EYS: variants seen among roughly 807,000 people sequenced by gnomAD.
EYS encodes the protein protein eyes shut homolog.
Under a neutral mutation model 282.1 loss-of-function variants are expected in EYS, and 250 were observed. That is an observed-to-expected ratio of 0.89 (90% confidence interval 0.80 to 0.98). The LOEUF (loss-of-function observed/expected upper bound fraction) is 0.98. Among genes scored for constraint, EYS ranks in the 50% least tolerant of loss-of-function variants. The probability of loss-of-function intolerance (pLI) is 0.00; values close to 1 mark genes in which losing one functional copy is unlikely to be tolerated. For synonymous variants in EYS, 1,355 were observed against 1,282.9 expected (o/e 1.06, Z -1.20); for missense variants, 4,016 against 3,709.0 (o/e 1.08, Z -2.15).
chr6:65,296,241 G>T, intron 11 of EYS, 122 bp from the exon 12 acceptor site: 3 of 1,070,110 alleles, frequency 2.8e-6, no homozygotes, highest in Non-Finnish European at 3.8e-6. Context: ...ATAGTTGTGG[G>T]GTGCATTTAA....
intron 33 of EYS, among the ~76,000 whole-genome samples, chr6:64,024,840 C>T (rs1478012590): frequency 1.3e-5 from 2 of 152,214 alleles, no homozygotes; most frequent in African/African-American, 4.8e-5. Flanking sequence ...TCAGAAGGAA[C>T]AAACTCCCGA....
At chr6:64,019,867 T>TATATATAAGTGTATATATATATATAC (rs1562154655) in intron 33 of EYS, among the ~76,000 whole-genome samples, 8 of 145,374 alleles carry the variant, frequency 5.5e-5, no homozygotes, top group South Asian at 2.1e-4. Context: ...TATATATATA[T>TATATATAAGTGTATATATATATATAC]ACTTACATAT....
intron 31 of EYS, among the ~76,000 whole-genome samples, chr6:64,102,886 A>T (rs1772879302): frequency 6.6e-6 from 1 of 151,390 alleles, no homozygotes; most frequent in Non-Finnish European, 1.5e-5. Context: ...TCAGAAATAC[A>T]AACATATCTT....
chr6:65,160,534 C>A (rs1429628988), intron 12 of EYS, among the ~76,000 whole-genome samples: 1 of 150,716 alleles, frequency 6.6e-6, no homozygotes. Flanking sequence ...GACTACTTGG[C>A]ATTGTTGGCA....
chr6:64,907,584 C>T (rs1767869940), intron 16 of EYS, among the ~76,000 whole-genome samples: 1 of 152,126 alleles, frequency 6.6e-6, no homozygotes, highest in African/African-American at 2.4e-5. Context: ...GTAAGTTCTG[C>T]CAGGATTCCT....
intron 15 of EYS, among the ~76,000 whole-genome samples, chr6:64,921,057 G>C (rs1421335705): frequency 2.0e-5 from 3 of 152,030 alleles, no homozygotes; most frequent in Non-Finnish European, 4.4e-5. Context: ...AAACAAAATA[G>C]TCTTTGTTTT....
At chr6:64,703,410 C>CACACACACACATATATATAT (rs1447947508) in intron 22 of EYS, among the ~76,000 whole-genome samples, 1 of 51,536 alleles carries the variant, frequency 1.9e-5, no homozygotes, top group African/African-American at 7.7e-5. Flanking sequence ...CACACACACA[C>CACACACACACATATATATAT]ATATATATAT....
chr6:64,703,410 C>CACATATATATAT (rs1447947508), intron 22 of EYS, among the ~76,000 whole-genome samples: 1 of 51,544 alleles, frequency 1.9e-5, no homozygotes, highest in African/African-American at 7.7e-5. Flanking sequence ...CACACACACA[C>CACATATATATAT]ATATATATAT....
In EYS at chr6:65,002,860, G is replaced by T. The variant is rs1050853183; in HGVS notation, c.2138-5157C>A. On this transcript the variant is annotated intron_variant, in intron 13 of 42. Transcript: ENST00000503581. ...TTACTGCAATCTCTAAACATAAATT[G>T]TAAAGATTTCATGGACAATTATCAC... 3.4e-5 allele frequency among the ~76,000 whole-genome samples: 5 copies of T among 146,870 alleles called. 1 individual carries two copies. Among genetic ancestry groups the T allele is most frequent in the Non-Finnish European group, 7.6e-5 (5 of 65,678 alleles).
At chr6:64,845,226 G>A (rs1227519398) in intron 19 of EYS, among the ~76,000 whole-genome samples, 2 of 152,056 alleles carry the variant, frequency 1.3e-5, no homozygotes, top group Non-Finnish European at 2.9e-5. Flanking sequence ...GGGAGGCAAA[G>A]GTTGTAATGA....
At chr6:65,064,176 T>C (rs1188489536) in intron 12 of EYS, among the ~76,000 whole-genome samples, 5 of 143,482 alleles carry the variant, frequency 3.5e-5, no homozygotes, top group African/African-American at 1.0e-4. Context: ...ATATATATAA[T>C]ATATAGTATA....
Position 63,732,802 on chromosome 6 carries a change from G to A in EYS, c.8072-6122C>T, listed in dbSNP as rs141191509. Among the ~76,000 whole-genome samples the A allele has an allele frequency of 2.4e-4, 37 of 152,232 alleles. No homozygotes were observed. In the East Asian group the frequency reaches 5.4e-3, roughly 22 times the overall value. On this transcript the variant is annotated intron_variant, in intron 41 of 42. Coordinates refer to ENST00000503581, the MANE Select transcript of EYS (RefSeq NM_001142800.2). ...GTTGAAGTATTTTGGCTACCTGTCC[G>A]GGACATAACAGTAAAACAAACAAAA... is the stretch of plus-strand genomic sequence containing the variant.
intron 8 of EYS, among the ~76,000 whole-genome samples, chr6:65,376,317 A>C (rs993017501): frequency 6.6e-6 from 1 of 152,188 alleles, no homozygotes; most frequent in Non-Finnish European, 1.5e-5. Flanking sequence ...TTTACAGACA[A>C]GCAAACGCTG....
chr6:64,756,497 C>G (rs1772940021), intron 22 of EYS, among the ~76,000 whole-genome samples: 1 of 152,100 alleles, frequency 6.6e-6, no homozygotes, highest in Non-Finnish European at 1.5e-5. Context: ...AGATTATTTC[C>G]TCAAATTTAA....
At chr6:65,404,077 T>C (rs1766622252) in intron 6 of EYS, among the ~76,000 whole-genome samples, 1 of 152,056 alleles carries the variant, frequency 6.6e-6, no homozygotes, top group Admixed American at 6.6e-5. Context: ...GTCTGCTGTG[T>C]CCCTTCTGTA....
chr6:64,052,350 T>C (rs188063735), intron 33 of EYS, among the ~76,000 whole-genome samples: 1 of 152,266 alleles, frequency 6.6e-6, no homozygotes, highest in East Asian at 1.9e-4. Context: ...AAATAATAAT[T>C]AGTAATCTTG....
intron 26 of EYS, among the ~76,000 whole-genome samples, chr6:64,505,145 G>A (rs535643924): frequency 5.3e-5 from 8 of 152,268 alleles, no homozygotes; most frequent in African/African-American, 1.4e-4. Flanking sequence ...AATAATGTTG[G>A]AGTTCAGATA....
intron 35 of EYS, among the ~76,000 whole-genome samples, chr6:63,877,350 G>A (rs925549941): frequency 2.6e-5 from 4 of 152,186 alleles, no homozygotes; most frequent in South Asian, 2.1e-4. Context: ...CTGTTATTCT[G>A]ATGGGCTTCC....
At chr6:64,581,413 C>T (rs1338628549) in intron 26 of EYS, among the ~76,000 whole-genome samples, 1 of 151,996 alleles carries the variant, frequency 6.6e-6, no homozygotes, top group Non-Finnish European at 1.5e-5. Flanking sequence ...GAAAATGTAC[C>T]GTTACAGGTA....
Sources: gnomAD v4.1 joint callset for allele counts (sites outside exome capture counted in the v4.1 genomes callset) on GRCh38, gnomAD v4.1.1 for gene constraint, MANE v1.5 for transcripts, NCBI Gene and HGNC (gene_info 2026-07-23, HGNC 2026-07-21) for gene names.